HTR1F: variants seen among roughly 807,000 people sequenced by gnomAD.
HTR1F encodes 5-hydroxytryptamine receptor 1F.
HTR1F carries 17 observed loss-of-function variants against 24.0 expected under a neutral mutation model. That is an observed-to-expected ratio of 0.71 (90% confidence interval 0.48 to 1.06). The LOEUF (loss-of-function observed/expected upper bound fraction) is 1.06, where lower values mean the gene tolerates loss of function less well. Among genes scored for constraint, HTR1F ranks in the 50% least tolerant of loss-of-function variants. The probability of loss-of-function intolerance (pLI) is 0.00; values close to 1 mark genes in which losing one functional copy is unlikely to be tolerated. For missense variants in HTR1F, 391 were observed against 427.8 expected (o/e 0.91, Z 0.76); for synonymous variants, 186 against 156.8 (o/e 1.19, Z -1.39).
Position 87,992,861 on chromosome 3 carries a change from C to G in HTR1F, c.*1011C>G, listed in dbSNP as rs532393160. 3 of 166,928 alleles carry G rather than the reference C, an allele frequency of 1.8e-5. No individual in the cohort carries two copies. The East Asian group carries it at 5.8e-4, about 32-fold the overall frequency. 10.3% of individuals were successfully genotyped at this position (166,928 alleles called of 1,614,324 possible). On this transcript the variant is annotated 3_prime_UTR_variant, in exon 3 of 3. Transcript: ENST00000319595. The stretch of plus-strand genomic sequence containing the variant: ...ATAATGGAAATTTTTAGAACTTTCC[C>G]TTTACTTTAAAATATTTCTACTTTT...
chr3:87,932,588 A>T (rs7647239), intron 2 of HTR1F, among the ~76,000 whole-genome samples: 4,967 of 152,234 alleles, frequency 0.033, 248 homozygotes, highest in African/African-American at 0.11. Context: ...GAAGAAAGTC[A>T]TTGGTAGCTT....
rs375235611 is a variant in HTR1F at position 87,812,976 on chromosome 3, T to G, written c.-159-9032T>G. 5.3e-5 allele frequency among the ~76,000 whole-genome samples: 8 copies of G among 152,226 alleles called. No individual in the cohort carries two copies. The South Asian group carries it at 6.2e-4, about 12-fold the overall frequency. ...CAGAGGATTTATAGCAATGCCTGGT[T>G]GTCCAGGCAGAAGTCTGCTGCAGGG... On this transcript the variant is annotated intron_variant, in intron 1 of 2. Coordinates refer to ENST00000319595, the MANE Select transcript of HTR1F (RefSeq NM_001322209.2).
chr3:87,842,859 G>A (rs528056650), intron 2 of HTR1F, among the ~76,000 whole-genome samples: 1 of 151,988 alleles, frequency 6.6e-6, no homozygotes, highest in South Asian at 2.1e-4. Context: ...TCAGAATCAA[G>A]TAATTGTTAA....
At chr3:87,855,098 G>T (rs1185266375) in intron 2 of HTR1F, among the ~76,000 whole-genome samples, 1 of 151,890 alleles carries the variant, frequency 6.6e-6, no homozygotes, top group Non-Finnish European at 1.5e-5. Flanking sequence ...TGCTCCACTT[G>T]CCCAGTCAAT....
chr3:87,955,448 A>T (rs1207727221), intron 2 of HTR1F, among the ~76,000 whole-genome samples: 1 of 151,400 alleles, frequency 6.6e-6, no homozygotes, highest in Non-Finnish European at 1.5e-5. Context: ...TCCATTCACC[A>T]TTGATGAATT....
intron 2 of HTR1F, among the ~76,000 whole-genome samples, chr3:87,846,993 T>C (rs1289630210): frequency 1.3e-5 from 2 of 151,756 alleles, no homozygotes; most frequent in Admixed American, 1.3e-4. Context: ...AAATATATTA[T>C]TGCTATTTTT....
intron 2 of HTR1F, among the ~76,000 whole-genome samples, chr3:87,826,350 T>A (rs1402106117): frequency 2.0e-5 from 3 of 152,184 alleles, no homozygotes; most frequent in Non-Finnish European, 4.4e-5. Context: ...ATGATTGATT[T>A]CCCCTAAGTT....
intron 2 of HTR1F, among the ~76,000 whole-genome samples, chr3:87,848,354 AT>A (rs1293060321): frequency 1.3e-5 from 2 of 151,506 alleles, no homozygotes; most frequent in Admixed American, 6.6e-5. Context: ...CCTTTTGCCC[AT>A]TTTTTAGTGG....
At chr3:87,956,400 A>G (rs1019891407) in intron 2 of HTR1F, among the ~76,000 whole-genome samples, 2 of 151,308 alleles carry the variant, frequency 1.3e-5, no homozygotes, top group African/African-American at 4.8e-5. Flanking sequence ...CACCAATACC[A>G]CACTGTCTGT....
At chr3:87,895,466 T>C (rs1483259582) in intron 2 of HTR1F, among the ~76,000 whole-genome samples, 1 of 152,028 alleles carries the variant, frequency 6.6e-6, no homozygotes, top group African/African-American at 2.4e-5. Context: ...ACAAATAATA[T>C]TGATGGGATA....
At chr3:87,854,807 C>T (rs1279876624) in intron 2 of HTR1F, among the ~76,000 whole-genome samples, 1 of 152,018 alleles carries the variant, frequency 6.6e-6, no homozygotes, top group African/African-American at 2.4e-5. Context: ...TCCATTCCAG[C>T]CTACTAATTT....
At chr3:87,865,798 T>C (rs142257034) in intron 2 of HTR1F, among the ~76,000 whole-genome samples, 15 of 152,328 alleles carry the variant, frequency 9.8e-5, no homozygotes, top group Non-Finnish European at 2.2e-4. Context: ...CTATTACAGA[T>C]AGACTACTGT....
chr3:87,875,731 T>C (rs1705655818), intron 2 of HTR1F, among the ~76,000 whole-genome samples: 1 of 151,796 alleles, frequency 6.6e-6, no homozygotes, highest in Non-Finnish European at 1.5e-5. Context: ...GAGACCATCC[T>C]GGCTAACACG....
chr3:87,960,455 TGACTTTAAGTG>T (rs1401222420), intron 2 of HTR1F, among the ~76,000 whole-genome samples: 1 of 151,892 alleles, frequency 6.6e-6, no homozygotes, highest in Non-Finnish European at 1.5e-5. Flanking sequence ...CAAAGGAAAT[TGACTTTAAGTG>T]GATTTTTGTG....
rs1324878494 is a variant in HTR1F at position 87,801,465 on chromosome 3, C to G, written c.-160+8623C>G. ...TCAGGAAGTCCTGACGACATGTGCC[C>G]AAGGTGGTCGGGGCACAGCTAGGTT... is the stretch of plus-strand genomic sequence containing the variant. On this transcript the variant is annotated intron_variant, in intron 1 of 2. Transcript: ENST00000319595. 2.0e-5 allele frequency among the ~76,000 whole-genome samples: 3 copies of G among 152,248 alleles called. No homozygotes were observed. In the East Asian group the frequency reaches 5.8e-4, roughly 29 times the overall value.
intron 2 of HTR1F, among the ~76,000 whole-genome samples, chr3:87,901,809 C>G (rs1487707071): frequency 2.0e-5 from 3 of 151,900 alleles, no homozygotes; most frequent in Non-Finnish European, 4.4e-5. Flanking sequence ...TCAGGAATGG[C>G]TTTTCTAGTG....
At chr3:87,968,896 G>A (rs1349312702) in intron 2 of HTR1F, among the ~76,000 whole-genome samples, 1 of 152,210 alleles carries the variant, frequency 6.6e-6, no homozygotes, top group African/African-American at 2.4e-5. Context: ...TATGCAGCCT[G>A]GGGACTTGGT....
chr3:87,967,742 G>A (rs1222942284), intron 2 of HTR1F, among the ~76,000 whole-genome samples: 1 of 152,182 alleles, frequency 6.6e-6, no homozygotes, highest in Non-Finnish European at 1.5e-5. Flanking sequence ...CCATGATTGA[G>A]TGGCCTCCCA....
At position 87,961,417 on chromosome 3, in the gene HTR1F, T is replaced by C. The variant is rs564154820; in HGVS notation, c.-42-29291T>C. Among the ~76,000 whole-genome samples the C allele has an allele frequency of 5.9e-5, 9 of 152,108 alleles. No individual in the cohort carries two copies. The East Asian group carries it at 1.5e-3, about 26-fold the overall frequency. ...TGAGATGAAAATGTTAAATTAGAGA[T>C]TTAAAGTAGAAAGTTTCATCAGTAT... On this transcript the variant is annotated intron_variant, in intron 2 of 2. Coordinates refer to ENST00000319595, the MANE Select transcript of HTR1F (RefSeq NM_001322209.2).
Sources: allele counts gnomAD v4.1 joint callset (sites outside exome capture counted in the v4.1 genomes callset), GRCh38; gene constraint gnomAD v4.1.1; transcripts MANE v1.5; gene names NCBI Gene and HGNC (gene_info 2026-07-23, HGNC 2026-07-21).